The following ST6GALNAC3 variants were observed in gnomAD, a reference collection of about 807,000 sequenced individuals.
ST6GALNAC3 encodes the protein alpha-N-acetylgalactosaminide alpha-2,6-sialyltransferase 3.
In ST6GALNAC3, 25 loss-of-function variants were observed where a neutral mutation model predicts 32.7. The ratio of observed to expected loss-of-function variants is 0.76; its 90% CI spans 0.56 to 1.07. ST6GALNAC3 has a LOEUF of 1.07. ST6GALNAC3 is among the 50% of genes least tolerant of loss of function. The pLI, the probability that ST6GALNAC3 is intolerant of heterozygous loss-of-function variation, is 0.00. For synonymous variants in ST6GALNAC3, 129 were observed against 133.1 expected (o/e 0.97, Z 0.21); for missense variants, 355 against 382.4 (o/e 0.93, Z 0.60).
At chr1:76,211,943 AAAAAT>A (rs905090392) in intron 1 of ST6GALNAC3, among the ~76,000 whole-genome samples, 15 of 152,302 alleles carry the variant, frequency 9.8e-5, no homozygotes, top group African/African-American at 2.4e-4. Context: ...AATAAAGAAT[AAAAAT>A]AAAATAAAAT....
rs745925822 is a variant in ST6GALNAC3 at position 76,515,643 on chromosome 1, A to G, written c.623+103226A>G. Among the ~76,000 whole-genome samples, 117 of 152,174 alleles carry G rather than the reference A, an allele frequency of 7.7e-4. No homozygotes were observed. The Middle Eastern group carries it at 0.024, about 31-fold the overall frequency. ...TCTCATTTGTCTCAAGGAATTTTTAAATTTCCCTTTCGTCTACTTACCCAG... is the reference window on the plus strand; with the variant it reads ...TCTCATTTGTCTCAAGGAATTTTTAGATTTCCCTTTCGTCTACTTACCCAG... On this transcript the variant is annotated intron_variant, in intron 3 of 4. Transcript: ENST00000328299.
intron 2 of ST6GALNAC3, among the ~76,000 whole-genome samples, chr1:76,367,720 A>T (rs147613571): frequency 6.6e-6 from 1 of 152,238 alleles, no homozygotes; most frequent in East Asian, 1.9e-4. Context: ...AGGGTTTCTA[A>T]TATGGCTTGT....
intron 1 of ST6GALNAC3, among the ~76,000 whole-genome samples, chr1:76,292,427 A>G (rs753696604): frequency 6.6e-6 from 1 of 152,166 alleles, no homozygotes; most frequent in Admixed American, 6.5e-5. Context: ...GTCCCTATGA[A>G]ATGTTTGTAG....
intron 3 of ST6GALNAC3, among the ~76,000 whole-genome samples, chr1:76,527,821 C>T (rs1035049248): frequency 7.9e-5 from 12 of 152,020 alleles, no homozygotes; most frequent in African/African-American, 2.9e-4. Flanking sequence ...TCCAAGACAC[C>T]TGAAAAGGCC....
At chr1:76,299,302 T>A (rs561494163) in intron 1 of ST6GALNAC3, among the ~76,000 whole-genome samples, 1 of 152,132 alleles carries the variant, frequency 6.6e-6, no homozygotes, top group South Asian at 2.1e-4. Flanking sequence ...TGATCAGGCA[T>A]ACGAAATACC....
At chr1:76,107,503 T>C (rs1647619939) in intron 1 of ST6GALNAC3, among the ~76,000 whole-genome samples, 1 of 152,230 alleles carries the variant, frequency 6.6e-6, no homozygotes, top group African/African-American at 2.4e-5. Flanking sequence ...CTACTTTCTT[T>C]GGTACCATGA....
intron 3 of ST6GALNAC3, among the ~76,000 whole-genome samples, chr1:76,504,581 A>G (rs1447646013): frequency 6.6e-6 from 1 of 152,178 alleles, no homozygotes; most frequent in African/African-American, 2.4e-5. Flanking sequence ...CTGTATTTAA[A>G]GTATACAAGA....
chr1:76,238,366 G>A (rs1010285151), intron 1 of ST6GALNAC3, among the ~76,000 whole-genome samples: 1 of 152,220 alleles, frequency 6.6e-6, no homozygotes, highest in African/African-American at 2.4e-5. Context: ...TGCGCAAGAG[G>A]ATGCCCACAG....
intron 1 of ST6GALNAC3, among the ~76,000 whole-genome samples, chr1:76,166,844 A>G (rs1652155888): frequency 1.3e-5 from 2 of 152,222 alleles, no homozygotes; most frequent in South Asian, 4.1e-4. Flanking sequence ...ATTTTTGTGC[A>G]TTTATTTTGT....
chr1:76,508,974 A>G lies in ST6GALNAC3; in HGVS notation c.623+96557A>G, dbSNP rs530241427. On this transcript the variant is annotated intron_variant, in intron 3 of 4. Transcript: ENST00000328299. ...TTAGTAAGGACAATATGCATTTAGA[A>G]TAAATACTTTACCAAGTAGGACAGA... 3.0e-3 allele frequency among the ~76,000 whole-genome samples: 450 copies of G among 152,336 alleles called. 2 individuals carry two copies. Among genetic ancestry groups the G allele is most frequent in the Non-Finnish European group, 5.0e-3 (337 of 68,028 alleles).
intron 3 of ST6GALNAC3, among the ~76,000 whole-genome samples, chr1:76,417,031 A>G (rs1469325175): frequency 6.6e-6 from 1 of 152,084 alleles, no homozygotes; most frequent in Non-Finnish European, 1.5e-5. Context: ...AGGCCAACTC[A>G]CAAACATATT....
Position 76,316,975 on chromosome 1 carries a change from A to G in ST6GALNAC3, c.213+2976A>G, listed in dbSNP as rs184202455. On this transcript the variant is annotated intron_variant, in intron 2 of 4. Coordinates refer to ENST00000328299, the MANE Select transcript of ST6GALNAC3 (RefSeq NM_152996.4). ...ATAGGCAATTTGATTTTCTATAAAG[A>G]CTAACAGACACATAAGCAACTTATT... 5.8e-3 allele frequency among the ~76,000 whole-genome samples: 879 copies of G among 152,240 alleles called. 6 individuals carry two copies. Among genetic ancestry groups the G allele is most frequent in the Non-Finnish European group, 1.0e-2 (678 of 68,006 alleles).
Position 76,426,101 on chromosome 1 carries a change from G to A in ST6GALNAC3, c.623+13684G>A, listed in dbSNP as rs1347573607. ...ATTTTCTTTAGGTCTTGATTCAAAT[G>A]TCGCCTTATAAGAGAGCCCTTTTTT... On this transcript the variant is annotated intron_variant, in intron 3 of 4. Coordinates refer to ENST00000328299, the MANE Select transcript of ST6GALNAC3 (RefSeq NM_152996.4). Among the ~76,000 whole-genome samples, 4 of 151,616 alleles carry A rather than the reference G, an allele frequency of 2.6e-5. No individual in the cohort carries two copies. The South Asian group carries it at 8.3e-4, about 32-fold the overall frequency.
intron 1 of ST6GALNAC3, among the ~76,000 whole-genome samples, chr1:76,272,324 G>GAGA: frequency 8.9e-6 from 1 of 112,056 alleles, no homozygotes; most frequent in Non-Finnish European, 1.7e-5. Flanking sequence ...CTCAGTCTCG[G>GAGA]AAAAAAAAAA....
In ST6GALNAC3 at chr1:76,412,130, C is replaced by A. The variant is rs1490050105; in HGVS notation, c.336C>A (p.Thr112=). 6.2e-7 allele frequency: 1 copy of A among 1,613,652 alleles called. No homozygotes were observed. The highest frequency in any genetic ancestry group is 1.1e-5 in the South Asian group (1 of 91,056). The change falls in exon 3 of 5, where the codon ACC becomes ACA. Residue 112 remains threonine, a synonymous_variant. Transcript: ENST00000328299. ...TTTGGAGAATGAACAATGCCCCCACCAAAGGTTATGAAGAAGATGTCGGCC... is the reference window on the plus strand; with the variant it reads ...TTTGGAGAATGAACAATGCCCCCACAAAAGGTTATGAAGAAGATGTCGGCC... ...SCIWRMNNAP[T]KGYEEDVGRM...
intron 1 of ST6GALNAC3, among the ~76,000 whole-genome samples, chr1:76,081,008 C>T (rs1399639636): frequency 6.6e-6 from 1 of 152,154 alleles, no homozygotes; most frequent in African/African-American, 2.4e-5. Context: ...TTGATAACAA[C>T]AGCAACAATA....
At chr1:76,158,952 C>T (rs1570247844) in intron 1 of ST6GALNAC3, among the ~76,000 whole-genome samples, 1 of 152,280 alleles carries the variant, frequency 6.6e-6, no homozygotes, top group African/African-American at 2.4e-5. Context: ...GAGCCAGGAT[C>T]CCCACTCAGG....
At chr1:76,110,528 T>C (rs976424094) in intron 1 of ST6GALNAC3, among the ~76,000 whole-genome samples, 1 of 152,260 alleles carries the variant, frequency 6.6e-6, no homozygotes, top group African/African-American at 2.4e-5. Flanking sequence ...TAACCTGCAC[T>C]GTGGCTTTGG....
chr1:76,114,293 T>G (rs1258642546), intron 1 of ST6GALNAC3, among the ~76,000 whole-genome samples: 27 of 152,194 alleles, frequency 1.8e-4, no homozygotes, highest in Non-Finnish European at 2.2e-4. Flanking sequence ...ATCATGGTTT[T>G]CATAGCATCC....
Sources: gnomAD v4.1 joint callset for allele counts (sites outside exome capture counted in the v4.1 genomes callset) on GRCh38, gnomAD v4.1.1 for gene constraint, MANE v1.5 for transcripts, NCBI Gene and HGNC (gene_info 2026-07-23, HGNC 2026-07-21) for gene names.